ESRP1: variants seen among roughly 807,000 people sequenced by gnomAD.
ESRP1 encodes the protein epithelial splicing regulatory protein 1, also known as RNA-binding motif protein 35A.
Under a neutral mutation model 81.7 loss-of-function variants are expected in ESRP1, and 33 were observed. The ratio of observed to expected loss-of-function variants is 0.40; its 90% CI spans 0.31 to 0.54. The LOEUF is 0.54. ESRP1 is among the 20% of genes least tolerant of loss of function. The pLI, the probability that ESRP1 is intolerant of heterozygous loss-of-function variation, is 0.41. For synonymous variants in ESRP1, 320 were observed against 303.3 expected (o/e 1.06, Z -0.57); for missense variants, 672 against 833.1 (o/e 0.81, Z 2.38).
intron 1 of ESRP1, 138 bp downstream of exon 1, chr8:94,641,588 G>T: frequency 8.0e-7 from 1 of 1,254,060 alleles, no homozygotes. Flanking sequence ...CGAGGCCTAG[G>T]GAAGCTAGAG....
intron 9 of ESRP1, among the ~76,000 whole-genome samples, chr8:94,665,954 A>G (rs1818996488): frequency 6.6e-6 from 1 of 152,178 alleles, no homozygotes; most frequent in Non-Finnish European, 1.5e-5. Flanking sequence ...TTGGATGTGT[A>G]TTTACAGTAA....
chr8:94,652,887 A>T (rs1332190858), intron 4 of ESRP1, among the ~76,000 whole-genome samples: 1 of 152,198 alleles, frequency 6.6e-6, no homozygotes, highest in Non-Finnish European at 1.5e-5. Flanking sequence ...TCTTTAAGTT[A>T]TATGCTCTAG....
chr8:94,667,068 GGTGTGTGTGTGTGTGT>G, intron 9 of ESRP1, among the ~76,000 whole-genome samples: 1 of 144,320 alleles, frequency 6.9e-6, no homozygotes, highest in East Asian at 2.0e-4. Context: ...CCAGGAGAGG[GGTGTGTGTGTGTGTGT>G]GTGTGTGTGT....
At chr8:94,672,484 G>A (rs1353161898) in intron 11 of ESRP1, among the ~76,000 whole-genome samples, 1 of 151,948 alleles carries the variant, frequency 6.6e-6, no homozygotes, top group Non-Finnish European at 1.5e-5. Context: ...TCATAAGCAA[G>A]ATACAATTCT....
rs58359551 is a variant in ESRP1, at chr8:94,689,811, C to CTTTTTTTTT, written c.1821-2849_1821-2841dup. 9.1e-4 allele frequency among the ~76,000 whole-genome samples: 59 copies of CTTTTTTTTT among 64,662 alleles called. 5 individuals are homozygous for CTTTTTTTTT. The highest frequency in any genetic ancestry group is 3.2e-3 in the African/African-American group (47 of 14,512). The allele number at this position is 64,662 out of a possible 152,430, so 42.4% of individuals were successfully genotyped here. A position where few individuals can be genotyped will look rare whatever the true frequency, so the allele number is the denominator to read the frequency against. The stretch of plus-strand genomic sequence containing the variant: ...CACAGGCATGTGCTATGATGCCTGG[C>CTTTTTTTTT]TTTTTTTTTTTTTTTTTTTTTTTTT... On this transcript the variant is annotated intron_variant, in intron 13 of 15. Transcript: ENST00000433389.
chr8:94,690,905 G>A (rs1215506669), intron 13 of ESRP1, among the ~76,000 whole-genome samples: 1 of 152,176 alleles, frequency 6.6e-6, no homozygotes, highest in Non-Finnish European at 1.5e-5. Context: ...TCATCTTTGA[G>A]TGAATGCTAG....
chr8:94,678,403 C>T, intron 13 of ESRP1, 32 bp downstream of exon 13: 1 of 1,599,868 alleles, frequency 6.3e-7, no homozygotes, highest in Non-Finnish European at 8.5e-7. Context: ...AAATGAGGGG[C>T]AGAAACAAAG....
chr8:94,689,811 CTTTTTTTT>C (rs58359551), intron 13 of ESRP1, among the ~76,000 whole-genome samples: 11 of 64,670 alleles, frequency 1.7e-4, no homozygotes, highest in South Asian at 9.2e-4. Context: ...TGATGCCTGG[CTTTTTTTT>C]TTTTTTTTTT....
Position 94,668,121 on chromosome 8 carries a change from G to A in ESRP1, c.1104G>A (p.Arg368=). The change falls in exon 10 of 16, where the codon AGG becomes AGA. Residue 368 remains arginine, a synonymous_variant. Coordinates refer to ENST00000433389, the MANE Select transcript of ESRP1 (RefSeq NM_017697.4). The part of the protein sequence containing the change: ...GILFVTYPDG[R]PTGDAFVLFA... ...TCTTTGTCACCTACCCAGATGGTAG[G>A]CCAACAGGGGACGCTTTTGTCCTCT... 1.2e-6 allele frequency: 2 copies of A among 1,614,002 alleles called. No homozygotes were observed. Among genetic ancestry groups the A allele is most frequent in the Non-Finnish European group, 1.7e-6 (2 of 1,179,898 alleles).
At chr8:94,699,907 A>T (rs1043027928) in intron 15 of ESRP1, among the ~76,000 whole-genome samples, 21 of 142,208 alleles carry the variant, frequency 1.5e-4, no homozygotes, top group Admixed American at 1.4e-3. Flanking sequence ...TTTTATATAT[A>T]TTTTTTTACC....
chr8:94,687,233 A>T (rs1481657804), intron 13 of ESRP1, among the ~76,000 whole-genome samples: 1 of 152,174 alleles, frequency 6.6e-6, no homozygotes, highest in Non-Finnish European at 1.5e-5. Context: ...CCTATTCCAG[A>T]TAATATTTCA....
intron 4 of ESRP1, among the ~76,000 whole-genome samples, chr8:94,652,328 T>G (rs1237933877): frequency 6.6e-6 from 1 of 152,148 alleles, no homozygotes; most frequent in Non-Finnish European, 1.5e-5. Flanking sequence ...CTTTGAGTTA[T>G]TCCAGTTGCA....
Position 94,671,456 on chromosome 8 carries a change from C to T in ESRP1, c.1237C>T (p.Leu413=). Residue 413 remains leucine, a synonymous_variant, in exon 11 of 16, where the codon CTG becomes TTG. Transcript: ENST00000433389. ...RSTAAEVQQV[L]NRFSSAPLIP... is the part of the protein sequence containing the mutation. Reference sequence around the variant, plus strand: ...TTCTGTTTTGCTTTGAGTACAGGTGCTGAATCGATTCTCCTCGGCCCCTCT... The same window carrying T: ...TTCTGTTTTGCTTTGAGTACAGGTGTTGAATCGATTCTCCTCGGCCCCTCT... 1.2e-6 allele frequency: 2 copies of T among 1,612,244 alleles called. No individual in the cohort carries two copies. Among genetic ancestry groups the T allele is most frequent in the Non-Finnish European group, 1.7e-6 (2 of 1,178,994 alleles).
At chr8:94,663,302 G>A (rs539651726) in intron 6 of ESRP1, among the ~76,000 whole-genome samples, 21 of 151,920 alleles carry the variant, frequency 1.4e-4, no homozygotes, top group African/African-American at 4.8e-4. Context: ...CTGGAATATC[G>A]CGGTGTGATC....
rs866475285 is a variant in ESRP1, at chr8:94,642,118, C to T, written c.261+34C>T. 6 of 1,601,914 alleles carry T rather than the reference C, an allele frequency of 3.7e-6. No individual in the cohort carries two copies. The African/African-American group carries it at 5.3e-5, about 14-fold the overall frequency. On this transcript the variant is annotated intron_variant, in intron 2 of 15. Coordinates refer to ENST00000433389, the MANE Select transcript of ESRP1 (RefSeq NM_017697.4). ...CCCGGGTCACGCCACCCACCCCAGC[C>T]TGGGCCCAACCCCACCGCACCCTAC...
chr8:94,703,126 C>CTTT (rs1809911282), intron 15 of ESRP1, among the ~76,000 whole-genome samples: 1 of 35,696 alleles, frequency 2.8e-5, no homozygotes, highest in African/African-American at 1.2e-4. Context: ...TTTTTTTTTG[C>CTTT]TAGCAGTTAG....
chr8:94,688,256 G>A (rs911637870), intron 13 of ESRP1: 6 of 161,836 alleles, frequency 3.7e-5, no homozygotes, highest in Non-Finnish European at 1.3e-5. Flanking sequence ...CCTGACCATT[G>A]CTCTTAAGAG....
At chr8:94,668,951 C>T (rs1238159828) in intron 10 of ESRP1, among the ~76,000 whole-genome samples, 3 of 152,110 alleles carry the variant, frequency 2.0e-5, no homozygotes, top group Admixed American at 1.3e-4. Flanking sequence ...TGCCACCACA[C>T]CCAGCTAAGT....
chr8:94,686,494 C>T (rs1393898441), intron 13 of ESRP1, among the ~76,000 whole-genome samples: 6 of 152,168 alleles, frequency 3.9e-5, no homozygotes, highest in Non-Finnish European at 8.8e-5. Context: ...ATCCCTTCAG[C>T]TCTTTGTTCA....
Sources: gnomAD v4.1 joint callset for allele counts (sites outside exome capture counted in the v4.1 genomes callset) on GRCh38, gnomAD v4.1.1 for gene constraint, MANE v1.5 for transcripts, NCBI Gene and HGNC (gene_info 2026-07-23, HGNC 2026-07-21) for gene names.